MN1: variants seen among roughly 807,000 people sequenced by gnomAD.
MN1 encodes the protein transcriptional activator MN1.
A neutral mutation model predicts 86.9 loss-of-function variants in MN1; 19 were observed. The ratio of observed to expected loss-of-function variants is 0.22; its 90% confidence interval spans 0.15 to 0.32. The LOEUF is 0.32. MN1 is among the 10% of genes least tolerant of loss of function. MN1 has a pLI of 1.00. For synonymous variants in MN1, 928 were observed against 849.6 expected, an observed-to-expected ratio of 1.09 and a Z score of -1.60; for missense variants, 1,841 against 1,862.0, an observed-to-expected ratio of 0.99 and a Z score of 0.21.
chr22:27,778,122 G>A lies in MN1; in HGVS notation c.3781+18641C>T, dbSNP rs529809926. The stretch of plus-strand genomic sequence containing the variant: ...CTTAAATATTATTAGCATTGTTGCC[G>A]TGATTTTGAGGAGTTTCCCAACACT... On this transcript the variant is annotated intron_variant, in intron 1 of 1. Coordinates refer to ENST00000302326, the MANE Select transcript of MN1 (RefSeq NM_002430.3). Among the ~76,000 whole-genome samples, 112 of 152,222 alleles carry A rather than the reference G, an allele frequency of 7.4e-4. 1 individual carries two copies. In the South Asian group the frequency reaches 9.1e-3, roughly 12 times the overall value.
chr22:27,777,817 A>G (rs1482365526), intron 1 of MN1, among the ~76,000 whole-genome samples: 1 of 151,934 alleles, frequency 6.6e-6, no homozygotes, highest in Non-Finnish European at 1.5e-5. Flanking sequence ...CGGAGGATGC[A>G]ATGAGCCGAG....
intron 1 of MN1, among the ~76,000 whole-genome samples, chr22:27,768,698 T>C (rs1249129980): frequency 6.6e-6 from 1 of 152,164 alleles, no homozygotes; most frequent in Non-Finnish European, 1.5e-5. Flanking sequence ...CCCAGCACTT[T>C]GGGAGGCCAA....
intron 1 of MN1, among the ~76,000 whole-genome samples, chr22:27,764,545 C>T (rs895971606): frequency 6.6e-5 from 10 of 152,172 alleles, no homozygotes; most frequent in Non-Finnish European, 1.3e-4. Flanking sequence ...ATTACATCAC[C>T]AAGTCCTCTC....
intron 1 of MN1, among the ~76,000 whole-genome samples, chr22:27,758,410 C>T (rs1932814607): frequency 6.6e-6 from 1 of 152,252 alleles, no homozygotes; most frequent in African/African-American, 2.4e-5. Flanking sequence ...GCATACTTCT[C>T]TCCCTGCTGG....
In MN1 at chr22:27,798,611, G is replaced by A. The variant is rs761152707; in HGVS notation, c.1933C>T (p.Arg645Cys). Reference sequence around the variant, plus strand: ...GGCAGACCCGAGCCGCCCATCCTACGGGGCAGCAGGTCTCCGGGCGGCGGA... The same window carrying A: ...GGCAGACCCGAGCCGCCCATCCTACAGGGCAGCAGGTCTCCGGGCGGCGGA... The part of the protein sequence containing the change: ...PHPPPGDLLP[R>C]RMGGSGLPAD... Residue 645 changes from arginine to cysteine, a missense_variant, in exon 1 of 2, where the codon CGT (arginine) becomes TGT (cysteine). Physicochemically the swap from Arg to Cys is radical, Grantham distance 180. Transcript: ENST00000302326. 1.9e-6 allele frequency: 3 copies of A among 1,560,976 alleles called. No individual in the cohort carries two copies. Among genetic ancestry groups the A allele is most frequent in the South Asian group, 2.3e-5 (2 of 85,630 alleles).
At chr22:27,772,693 C>A (rs1185347401) in intron 1 of MN1, among the ~76,000 whole-genome samples, 1 of 152,110 alleles carries the variant, frequency 6.6e-6, no homozygotes, top group Non-Finnish European at 1.5e-5. Flanking sequence ...CGCAGCTGCG[C>A]CCCTTTGGGC....
Position 27,800,837 on chromosome 22 carries a change from G to T in MN1, c.-294C>A. ...CCCCGGGCGGTTGTCACAGCCGCGG[G>T]TGGGTCTGCGGGGAGGGGACGAAGC... On this transcript the variant is annotated 5_prime_UTR_variant, in exon 1 of 2. Transcript: ENST00000302326. 1 of 515,658 alleles carries T rather than the reference G, an allele frequency of 1.9e-6. No individual in the cohort carries two copies. 31.9% of individuals were successfully genotyped at this position (515,658 alleles called of 1,614,324 possible).
At chr22:27,790,629 G>T (rs952015030) in intron 1 of MN1, among the ~76,000 whole-genome samples, 7 of 148,796 alleles carry the variant, frequency 4.7e-5, no homozygotes, top group Admixed American at 4.0e-4. Flanking sequence ...TACAATAAAG[G>T]CTAGGAATTT....
intron 1 of MN1, among the ~76,000 whole-genome samples, chr22:27,777,941 A>C (rs1250271755): frequency 6.6e-6 from 1 of 152,098 alleles, no homozygotes; most frequent in Non-Finnish European, 1.5e-5. Context: ...ATCCTGAGTC[A>C]GTGACCCAGG....
rs1381174125 is a variant in MN1, at chr22:27,798,513, C to G, written c.2031G>C (p.Arg677=). 8 of 1,535,324 alleles carry G rather than the reference C, an allele frequency of 5.2e-6. No homozygotes were observed. Among genetic ancestry groups the G allele is most frequent in the African/African-American group, 1.4e-5 (1 of 72,028 alleles). The change falls in exon 1 of 2, where the codon CGG becomes CGC. Residue 677 remains arginine, a synonymous_variant. Transcript: ENST00000302326. ...PPPGGSGVLF[R]GPLQEPMRMP... ...TCCTCATCGGCTCCTGCAGAGGGCC[C>G]CGGAACAGCACCCCCGAGCCACCAG...
At chr22:27,780,214 C>T (rs1933033601) in intron 1 of MN1, among the ~76,000 whole-genome samples, 2 of 152,158 alleles carry the variant, frequency 1.3e-5, no homozygotes, top group African/African-American at 2.4e-5. Flanking sequence ...CCCTGGCTCC[C>T]GGCCACACTT....
Position 27,760,348 on chromosome 22 carries a change from G to GA in MN1, c.3782-9253dup, listed in dbSNP as rs372310327. Among the ~76,000 whole-genome samples, 53 of 146,888 alleles carry GA rather than the reference G, an allele frequency of 3.6e-4. No homozygotes were observed. The South Asian group carries it at 5.6e-3, about 16-fold the overall frequency. Reference sequence around the variant, plus strand: ...CCACAGAGCAAGACTCCGTCTCAAAGAAAAAAAAAAATTAACCAGACATGG... The same window carrying GA: ...CCACAGAGCAAGACTCCGTCTCAAAGAAAAAAAAAAAATTAACCAGACATGG... On this transcript the variant is annotated intron_variant, in intron 1 of 1. Transcript: ENST00000302326.
intron 1 of MN1, among the ~76,000 whole-genome samples, chr22:27,782,175 G>A (rs566491478): frequency 1.5e-3 from 234 of 152,308 alleles, no homozygotes; most frequent in African/African-American, 5.5e-3. Flanking sequence ...GTGCCCGATG[G>A]TGGCAGGCTG....
Position 27,798,322 on chromosome 22 carries a change from C to G in MN1, c.2222G>C (p.Gly741Ala). Reference sequence around the variant, plus strand: ...ACCAAACGGAAAGCCCGGCTGGCCCCCGAGCGCAGACGTAGCAAAGTCCGG... The same window carrying G: ...ACCAAACGGAAAGCCCGGCTGGCCCGCGAGCGCAGACGTAGCAAAGTCCGG... ...PPPDFATSAL[G>A]GQPGFPFGAA... is the part of the protein sequence containing the mutation. Residue 741 changes from glycine (G) to alanine (A), a missense_variant, in exon 1 of 2, where the codon GGG (glycine) becomes GCG (alanine). Gly to Ala is a moderately conservative substitution (Grantham distance 60). Transcript: ENST00000302326. 1 of 1,519,526 alleles carries G rather than the reference C, an allele frequency of 6.6e-7. No homozygotes were observed. The highest frequency in any genetic ancestry group is 8.8e-7 in the Non-Finnish European group (1 of 1,142,404). The allele number at this position is 1,519,526 out of a possible 1,614,324, so 94.1% of individuals were successfully genotyped here.
At chr22:27,786,689 C>T (rs1036053631) in intron 1 of MN1, among the ~76,000 whole-genome samples, 2 of 152,158 alleles carry the variant, frequency 1.3e-5, no homozygotes, top group African/African-American at 4.8e-5. Flanking sequence ...GCTGGGTTTG[C>T]TCAACGACTG....
In MN1 at chr22:27,801,676, G is replaced by T. The variant is rs1933446618; in HGVS notation, c.-1133C>A. On this transcript the variant is annotated 5_prime_UTR_variant, in exon 1 of 2. Transcript: ENST00000302326. ...CGCACCCCTCTCCCGACTAGCGGGG[G>T]GGCTCTGCGTGGGGCGTTCCGAGGG... Among the ~76,000 whole-genome samples the T allele has an allele frequency of 6.6e-6, 1 of 152,134 alleles. No individual in the cohort carries two copies. The highest frequency in any genetic ancestry group is 1.5e-5 in the Non-Finnish European group (1 of 68,012).
At chr22:27,772,046 T>C (rs1932921618) in intron 1 of MN1, among the ~76,000 whole-genome samples, 1 of 152,234 alleles carries the variant, frequency 6.6e-6, no homozygotes, top group Non-Finnish European at 1.5e-5. Flanking sequence ...TGCTGAGGCT[T>C]CTCGGTTATA....
At chr22:27,763,480 T>C (rs1344444760) in intron 1 of MN1, among the ~76,000 whole-genome samples, 3 of 152,176 alleles carry the variant, frequency 2.0e-5, no homozygotes, top group Non-Finnish European at 4.4e-5. Flanking sequence ...CACTGTTGGG[T>C]TGTGTGACCC....
rs1933392979 is a variant in MN1 at position 27,799,655 on chromosome 22, G to GT, written c.888_889insA (p.Pro297ThrfsTer19). 9 of 1,550,352 alleles carry GT rather than the reference G, an allele frequency of 5.8e-6. No individual in the cohort carries two copies. The highest frequency in any genetic ancestry group is 1.7e-4 in the Middle Eastern group (1 of 5,782). On this transcript the variant is annotated frameshift_variant, in exon 1 of 2. Transcript: ENST00000302326. LOFTEE classifies it high-confidence loss of function. ...TGCTGGGGCTGCTGCTGCTGCTGGG[G>GT]CTGCTGCTGCGGTGGCTGGGCGTGC...
Sources: allele counts gnomAD v4.1 joint callset (sites outside exome capture counted in the v4.1 genomes callset), GRCh38; gene constraint gnomAD v4.1.1; transcripts MANE v1.5; gene names NCBI Gene and HGNC (gene_info 2026-07-23, HGNC 2026-07-21).